GFRA1: variants seen among roughly 807,000 people sequenced by gnomAD.
GFRA1 encodes GDNF family receptor alpha 1.
A neutral mutation model predicts 51.6 loss-of-function variants in GFRA1; 16 were observed. The ratio of observed to expected loss-of-function variants is 0.31; its 90% CI spans 0.21 to 0.47. The LOEUF is 0.47. GFRA1 is among the 20% of genes least tolerant of loss of function. The probability of loss-of-function intolerance (pLI) is 1.00; values close to 1 mark genes in which losing one functional copy is unlikely to be tolerated. For missense variants in GFRA1, 530 were observed against 594.3 expected (o/e 0.89, Z 1.13); for synonymous variants, 270 against 241.3 (o/e 1.12, Z -1.10).
intron 4 of GFRA1, among the ~76,000 whole-genome samples, chr10:116,268,819 C>A (rs1969867696): frequency 6.6e-6 from 1 of 152,152 alleles, no homozygotes; most frequent in Non-Finnish European, 1.5e-5. Context: ...TGTCTGAATG[C>A]AGATGTTACA....
intron 5 of GFRA1, among the ~76,000 whole-genome samples, chr10:116,204,572 T>C (rs1371257107): frequency 2.6e-5 from 4 of 152,202 alleles, no homozygotes; most frequent in Non-Finnish European, 4.4e-5. Flanking sequence ...GAGCATCTTC[T>C]AGTGCCATAA....
At chr10:116,150,334 A>T (rs1270501091) in intron 5 of GFRA1, among the ~76,000 whole-genome samples, 1 of 151,960 alleles carries the variant, frequency 6.6e-6, no homozygotes, top group African/African-American at 2.4e-5. Context: ...TTAAAAAAAA[A>T]CTCTGGCCCT....
At chr10:116,082,830 C>G (rs550980154) in intron 9 of GFRA1, among the ~76,000 whole-genome samples, 3 of 152,246 alleles carry the variant, frequency 2.0e-5, no homozygotes, top group Non-Finnish European at 4.4e-5. Context: ...AGAGCTCCAT[C>G]GTTCTTCCTC....
chr10:116,126,096 C>G (rs962896486), intron 5 of GFRA1, among the ~76,000 whole-genome samples: 18 of 152,272 alleles, frequency 1.2e-4, no homozygotes, highest in Non-Finnish European at 2.6e-4. Flanking sequence ...CAGGAAGAAG[C>G]CACCACAACG....
chr10:116,261,905 G>A (rs181427759), intron 4 of GFRA1, among the ~76,000 whole-genome samples: 1 of 152,256 alleles, frequency 6.6e-6, no homozygotes, highest in East Asian at 1.9e-4. Context: ...ACTGGCCCAA[G>A]GTCACCCAGC....
chr10:116,251,875 G>A (rs1411215786), intron 4 of GFRA1, among the ~76,000 whole-genome samples: 3 of 150,632 alleles, frequency 2.0e-5, no homozygotes, highest in Non-Finnish European at 4.4e-5. Context: ...CAGAGGAGCA[G>A]AAATGGGCAG....
intron 4 of GFRA1, among the ~76,000 whole-genome samples, chr10:116,224,349 C>A (rs988925596): frequency 2.6e-5 from 4 of 152,056 alleles, no homozygotes; most frequent in Non-Finnish European, 5.9e-5. Flanking sequence ...TGGGTATATA[C>A]CCGAGAGAAA....
intron 4 of GFRA1, among the ~76,000 whole-genome samples, chr10:116,221,714 C>T (rs1274428669): frequency 6.6e-6 from 1 of 152,098 alleles, no homozygotes; most frequent in African/African-American, 2.4e-5. Flanking sequence ...CGTGAATCAC[C>T]GCACCTGGTC....
At chr10:116,188,245 T>C (rs1215307418) in intron 5 of GFRA1, among the ~76,000 whole-genome samples, 1 of 152,152 alleles carries the variant, frequency 6.6e-6, no homozygotes, top group Non-Finnish European at 1.5e-5. Context: ...GAGGTGCCCA[T>C]GGGATCTGAG....
chr10:116,142,714 TTAA>T (rs1351124001), intron 5 of GFRA1, among the ~76,000 whole-genome samples: 3 of 152,202 alleles, frequency 2.0e-5, no homozygotes, highest in African/African-American at 7.2e-5. Flanking sequence ...AAACTATTGA[TTAA>T]TAATGTTTCA....
chr10:116,067,860 G>A (rs542508733), intron 9 of GFRA1, among the ~76,000 whole-genome samples: 1 of 152,150 alleles, frequency 6.6e-6, no homozygotes, highest in Non-Finnish European at 1.5e-5. Context: ...GAAATGGCAG[G>A]CATAACTTCA....
chr10:116,127,481 G>C (rs528219158), intron 5 of GFRA1, among the ~76,000 whole-genome samples: 67 of 152,316 alleles, frequency 4.4e-4, no homozygotes, highest in African/African-American at 1.5e-3. Context: ...TAACATCAGA[G>C]TCCAAGAAAT....
chr10:116,070,887 A>G (rs927441686), intron 9 of GFRA1, among the ~76,000 whole-genome samples: 6 of 149,776 alleles, frequency 4.0e-5, no homozygotes, highest in Non-Finnish European at 7.4e-5. Context: ...GCCACTCTCT[A>G]TTTTGAAACT....
intron 9 of GFRA1, among the ~76,000 whole-genome samples, chr10:116,065,963 G>A (rs1955091165): frequency 6.6e-6 from 1 of 152,174 alleles, no homozygotes. Context: ...CCATTTCAAA[G>A]CCAAGTGGCT....
chr10:116,071,806 A>G (rs1955407561), intron 9 of GFRA1, among the ~76,000 whole-genome samples: 1 of 152,210 alleles, frequency 6.6e-6, no homozygotes, highest in African/African-American at 2.4e-5. Flanking sequence ...CCAACTAAAT[A>G]TCACTCCTTT....
At chr10:116,083,075 T>C (rs931655638) in intron 9 of GFRA1, among the ~76,000 whole-genome samples, 1 of 152,120 alleles carries the variant, frequency 6.6e-6, no homozygotes, top group South Asian at 2.1e-4. Context: ...AACCAAGCAA[T>C]AGTCATGGAG....
chr10:116,182,786 G>A (rs1197798776), intron 5 of GFRA1, among the ~76,000 whole-genome samples: 1 of 152,206 alleles, frequency 6.6e-6, no homozygotes, highest in Non-Finnish European at 1.5e-5. Context: ...CTTCTTAGAT[G>A]GGCAGCAGGA....
chr10:116,191,015 G>A (rs561589825), intron 5 of GFRA1, among the ~76,000 whole-genome samples: 68 of 152,294 alleles, frequency 4.5e-4, no homozygotes, highest in African/African-American at 1.6e-3. Context: ...AGAGTTCACC[G>A]GGTTCCCATG....
At position 116,194,134 on chromosome 10, in the gene GFRA1, T is replaced by A. The variant is rs889525457; in HGVS notation, c.433+17497A>T. ...AGGAGCCTCAGGATAGCTGGTGAGT[T>A]ACTAATACTTTGCAGTCTCTTGACC... On this transcript the variant is annotated intron_variant, in intron 5 of 10. Coordinates refer to ENST00000355422, the MANE Select transcript of GFRA1 (RefSeq NM_005264.8). Among the ~76,000 whole-genome samples the A allele has an allele frequency of 2.6e-5, 4 of 151,492 alleles. No homozygotes were observed. The East Asian group carries it at 5.8e-4, about 22-fold the overall frequency.
Sources: allele counts gnomAD v4.1 joint callset (sites outside exome capture counted in the v4.1 genomes callset), GRCh38; gene constraint gnomAD v4.1.1; transcripts MANE v1.5; gene names NCBI Gene and HGNC (gene_info 2026-07-23, HGNC 2026-07-21).